CTNND2: variants seen among roughly 807,000 people sequenced by gnomAD.
The protein encoded by CTNND2 is catenin delta 2.
A neutral mutation model predicts 144.4 loss-of-function variants in CTNND2; 22 were observed. That is an observed-to-expected ratio of 0.15 (90% CI 0.11 to 0.22). CTNND2 has a LOEUF of 0.22. Ranked by LOEUF, CTNND2 falls within the 10% of genes least tolerant of loss-of-function variation. CTNND2 has a pLI of 1.00. For synonymous variants in CTNND2, 751 were observed against 695.6 expected (o/e 1.08, Z -1.25); for missense variants, 1,353 against 1,618.8 (o/e 0.84, Z 2.82).
chr5:11,022,776 C>T lies in CTNND2; in HGVS notation c.2992G>A (p.Gly998Arg). Residue 998 changes from glycine to arginine, a missense_variant, in exon 17 of 22, where the codon GGA becomes AGA. Physicochemically the swap from Gly to Arg is moderately radical, Grantham distance 125. This residue lies in a region of CTNND2 where 459 missense variants were observed against 674.3 expected (regional missense o/e 0.68). Coordinates refer to ENST00000304623, the MANE Select transcript of CTNND2 (RefSeq NM_001332.4). The part of the protein sequence containing the change: ...EKLVGISKSK[G>R]DKHSPKVVKA... ...CGTCACCAGGTAACTTACTTATCTCCTTTGCTTTTGGAGATGCCGACCAAC... is the reference window on the plus strand; with the variant it reads ...CGTCACCAGGTAACTTACTTATCTCTTTTGCTTTTGGAGATGCCGACCAAC... 2 of 1,613,856 alleles carry T rather than the reference C, an allele frequency of 1.2e-6. No homozygotes were observed. Among genetic ancestry groups the T allele is most frequent in the Non-Finnish European group, 1.7e-6 (2 of 1,179,942 alleles).
At chr5:11,388,801 A>G (rs1364265518) in intron 6 of CTNND2, among the ~76,000 whole-genome samples, 1 of 152,254 alleles carries the variant, frequency 6.6e-6, no homozygotes, top group Admixed American at 6.5e-5. Flanking sequence ...TAATCGAAAC[A>G]CATTCCAACA....
chr5:11,583,776 A>G (rs146715870), intron 2 of CTNND2, among the ~76,000 whole-genome samples: 9 of 152,348 alleles, frequency 5.9e-5, no homozygotes, highest in Admixed American at 6.5e-5. Flanking sequence ...CAGAGATAAA[A>G]TAAGTTCCTA....
At chr5:11,657,911 A>G (rs1201891715) in intron 2 of CTNND2, among the ~76,000 whole-genome samples, 1 of 152,124 alleles carries the variant, frequency 6.6e-6, no homozygotes, top group African/African-American at 2.4e-5. Context: ...TCATATTTTG[A>G]ATGATACAAA....
intron 8 of CTNND2, among the ~76,000 whole-genome samples, chr5:11,355,712 C>T (rs1324022607): frequency 6.6e-6 from 1 of 152,062 alleles, no homozygotes; most frequent in South Asian, 2.1e-4. Flanking sequence ...AAACAAAAGG[C>T]ATTGAAATTG....
Position 11,105,313 on chromosome 5 carries a change from A to G in CTNND2, c.2463+5545T>C, listed in dbSNP as rs543629697. On this transcript the variant is annotated intron_variant, in intron 14 of 21. Transcript: ENST00000304623. ...TTGGTAATATGTCCTTCGAAGGACAATCTAGTCCAATGGTCTCAACCAGGG... is the reference window on the plus strand; with the variant it reads ...TTGGTAATATGTCCTTCGAAGGACAGTCTAGTCCAATGGTCTCAACCAGGG... 1.1e-4 allele frequency among the ~76,000 whole-genome samples: 17 copies of G among 152,350 alleles called. No individual in the cohort carries two copies. In the South Asian group the frequency reaches 3.1e-3, roughly 28 times the overall value.
intron 2 of CTNND2, among the ~76,000 whole-genome samples, chr5:11,592,629 C>A (rs951011141): frequency 6.6e-6 from 1 of 151,426 alleles, no homozygotes; most frequent in Non-Finnish European, 1.5e-5. Flanking sequence ...AAAAAAAAAT[C>A]TTTGCAGACC....
chr5:11,232,116 A>G (rs245089), intron 10 of CTNND2, among the ~76,000 whole-genome samples: 138,063 of 152,334 alleles, frequency 0.91, 62,715 homozygotes, highest in East Asian at 0.99. Context: ...GTGTGGAAAC[A>G]CCCTGAATGT....
intron 2 of CTNND2, among the ~76,000 whole-genome samples, chr5:11,651,512 G>A (rs183593448): frequency 1.6e-3 from 249 of 152,326 alleles, no homozygotes; most frequent in Middle Eastern, 6.8e-3. Context: ...TGTGAGATAA[G>A]GGCTACCACC....
intron 3 of CTNND2, among the ~76,000 whole-genome samples, chr5:11,443,750 G>A (rs1363311276): frequency 1.3e-5 from 2 of 151,968 alleles, no homozygotes; most frequent in Non-Finnish European, 2.9e-5. Flanking sequence ...CATGAAATCA[G>A]GTCCAAATTC....
intron 9 of CTNND2, among the ~76,000 whole-genome samples, chr5:11,262,784 A>AAAAAAAAAAAAAAAAAAAAAG (rs1745033023): frequency 6.7e-6 from 1 of 148,256 alleles, no homozygotes; most frequent in African/African-American, 2.5e-5. Flanking sequence ...AAAAAAAAAA[A>AAAAAAAAAAAAAAAAAAAAAG]AAAAGAAAGA....
At chr5:11,102,174 A>G (rs1168174459) in intron 14 of CTNND2, among the ~76,000 whole-genome samples, 1 of 152,190 alleles carries the variant, frequency 6.6e-6, no homozygotes, top group Non-Finnish European at 1.5e-5. Context: ...GTTATATTTT[A>G]ACGAATAAAA....
intron 2 of CTNND2, among the ~76,000 whole-genome samples, chr5:11,624,088 T>C (rs976941643): frequency 4.6e-5 from 7 of 151,846 alleles, no homozygotes; most frequent in Admixed American, 1.3e-4. Context: ...ATTCGCAATG[T>C]AGGAACAGAC....
intron 1 of CTNND2, among the ~76,000 whole-genome samples, chr5:11,897,900 G>A (rs1737524097): frequency 6.6e-6 from 1 of 152,160 alleles, no homozygotes; most frequent in East Asian, 1.9e-4. Context: ...CAGGCAAAGG[G>A]AACTTAATTA....
At chr5:11,829,452 A>C (rs1793774943) in intron 1 of CTNND2, among the ~76,000 whole-genome samples, 1 of 152,170 alleles carries the variant, frequency 6.6e-6, no homozygotes. Flanking sequence ...GGTGCCCTGC[A>C]TCCCAGCCAT....
At chr5:11,694,448 G>C (rs895694566) in intron 2 of CTNND2, among the ~76,000 whole-genome samples, 1 of 151,196 alleles carries the variant, frequency 6.6e-6, no homozygotes. Context: ...AAGAAAAAAA[G>C]AAAATGAAAA....
intron 11 of CTNND2, among the ~76,000 whole-genome samples, chr5:11,168,831 AAG>A (rs576205808): frequency 6.6e-5 from 10 of 151,382 alleles, no homozygotes; most frequent in African/African-American, 9.7e-5. Context: ...GAGAAAGTGA[AAG>A]AGAGAGAGAG....
At chr5:11,735,415 G>T (rs945231357) in intron 1 of CTNND2, among the ~76,000 whole-genome samples, 7 of 152,112 alleles carry the variant, frequency 4.6e-5, no homozygotes, top group African/African-American at 1.7e-4. Flanking sequence ...AAGAAGGAAG[G>T]ACAATGCAGC....
chr5:11,120,331 G>A (rs1476530054), intron 12 of CTNND2, among the ~76,000 whole-genome samples: 1 of 149,388 alleles, frequency 6.7e-6, no homozygotes, highest in Non-Finnish European at 1.5e-5. Flanking sequence ...AAGGGGTGAT[G>A]AGGCTCAGTA....
chr5:11,293,110 A>T (rs970559941), intron 9 of CTNND2, among the ~76,000 whole-genome samples: 1 of 146,790 alleles, frequency 6.8e-6, no homozygotes, highest in African/African-American at 2.6e-5. Flanking sequence ...CTGTGCAAAC[A>T]AAGGCTGGCT....
Sources: allele counts gnomAD v4.1 joint callset (sites outside exome capture counted in the v4.1 genomes callset), GRCh38; gene constraint gnomAD v4.1.1; regional missense constraint gnomAD v4.1.1; transcripts MANE v1.5; gene names NCBI Gene and HGNC (gene_info 2026-07-23, HGNC 2026-07-21).